The following VIL1 variants were observed in gnomAD, a reference collection of about 807,000 sequenced individuals.
VIL1 encodes the protein villin 1.
Under a neutral mutation model 104.0 loss-of-function variants are expected in VIL1, and 86 were observed. The ratio of observed to expected loss-of-function variants is 0.83; its 90% confidence interval spans 0.69 to 0.99. VIL1 has a LOEUF of 0.99. VIL1 is among the 50% of genes least tolerant of loss of function. VIL1 has a pLI of 0.00. For missense variants in VIL1, 944 were observed against 1,054.1 expected, an observed-to-expected ratio of 0.90 and a Z score of 1.45; for synonymous variants, 394 against 412.6, an observed-to-expected ratio of 0.95 and a Z score of 0.55.
At position 218,452,165 on chromosome 2, in the gene VIL1, A is replaced by AC. The variant is rs1222707119; in HGVS notation, c.*2830dup. 3 of 152,180 alleles carry AC rather than the reference A, an allele frequency of 2.0e-5. No homozygotes were observed. Among genetic ancestry groups the AC allele is most frequent in the Non-Finnish European group, 4.4e-5 (3 of 68,020 alleles). The allele number at this position is 152,180 out of a possible 1,614,324, so 9.4% of individuals were successfully genotyped here. A position where few individuals can be genotyped will look rare whatever the true frequency, so the allele number is the denominator to read the frequency against. ...CAAAGATCAAAAGGTTGTATCTAGA[A>AC]CTAATTGCCATCAAGTTCCAATTCA... On this transcript the variant is annotated 3_prime_UTR_variant, in exon 20 of 20. Coordinates refer to ENST00000248444, the MANE Select transcript of VIL1 (RefSeq NM_007127.3).
At chr2:218,432,278 CTCT>C (rs1689113691) in intron 12 of VIL1, 95 bp downstream of exon 12, 1 of 1,522,410 alleles carries the variant, frequency 6.6e-7, no homozygotes, top group Non-Finnish European at 8.8e-7. Flanking sequence ...GGTTGAATAC[CTCT>C]GGGGATGGGG....
At position 218,438,622 on chromosome 2, in the gene VIL1, G is replaced by A. The variant is rs778589173; in HGVS notation, c.2161-36G>A. ...GCTTCTCATCCATCTCCTCTGCTGA[G>A]ATCCAGGTCTAATCTGTTATTTACT... On this transcript the variant is annotated intron_variant, in intron 17 of 19. Transcript: ENST00000248444. 5 of 1,590,210 alleles carry A rather than the reference G, an allele frequency of 3.1e-6. No individual in the cohort carries two copies. The African/African-American group carries it at 6.7e-5, about 21-fold the overall frequency.
At chr2:218,432,695 C>A in intron 12 of VIL1, 98 bp from the exon 13 acceptor site, 1 of 1,492,610 alleles carries the variant, frequency 6.7e-7, no homozygotes, top group Non-Finnish European at 9.1e-7. Flanking sequence ...GGTTTAGGAC[C>A]AGTTCAGACT....
At chr2:218,429,757 G>A in intron 8 of VIL1, 82 bp downstream of exon 8, 1 of 1,597,082 alleles carries the variant, frequency 6.3e-7, no homozygotes, top group Non-Finnish European at 8.6e-7. Flanking sequence ...GGGGCTTGGG[G>A]TGGGCCTGGG....
At chr2:218,447,895 TTTG>T (rs1419874679) in intron 19 of VIL1, among the ~76,000 whole-genome samples, 3 of 152,126 alleles carry the variant, frequency 2.0e-5, no homozygotes, top group East Asian at 1.9e-4. Flanking sequence ...ACCTGCCTAA[TTTG>T]TTTTCAGTAT....
At chr2:218,420,615 T>G (rs1165551166) in intron 1 of VIL1, among the ~76,000 whole-genome samples, 3 of 146,584 alleles carry the variant, frequency 2.0e-5, no homozygotes, top group African/African-American at 7.5e-5. Context: ...AGAAGGAGTC[T>G]CACTCTTTCA....
intron 3 of VIL1, among the ~76,000 whole-genome samples, chr2:218,425,060 TTTTTA>T (rs1168152909): frequency 1.1e-4 from 16 of 151,916 alleles, no homozygotes; most frequent in Admixed American, 9.8e-4. Flanking sequence ...TCATTTTAAA[TTTTTA>T]TTTTATTTTA....
intron 4 of VIL1, among the ~76,000 whole-genome samples, chr2:218,426,295 C>T (rs148752171): frequency 1.2e-3 from 181 of 152,058 alleles, no homozygotes; most frequent in African/African-American, 4.2e-3. Context: ...TGCTTTGTTG[C>T]CCAGGCTGGA....
intron 13 of VIL1, among the ~76,000 whole-genome samples, chr2:218,433,383 C>T (rs933374896): frequency 6.0e-5 from 9 of 150,980 alleles, no homozygotes. Context: ...TGCAGTGAGC[C>T]GAGATTGTGC....
At position 218,449,292 on chromosome 2, in the gene VIL1, C is replaced by T. The variant is rs754252148; in HGVS notation, c.2440C>T (p.Arg814Ter). The T allele has an allele frequency of 5.6e-6, 9 of 1,613,824 alleles. No homozygotes were observed. Among genetic ancestry groups the T allele is most frequent in the Non-Finnish European group, 5.9e-6 (7 of 1,179,928 alleles). ...TCCAGCTGCCTTCTCTGCTCTGCCT[C>T]GATGGAAGCAACAAAACCTCAAGAA... ...MTPAAFSALP[R>*]WKQQNLKKEK... The change falls in exon 20 of 20, where the codon CGA becomes TGA. Residue 814 changes from arginine to a stop codon, truncating the protein, a stop_gained. Transcript: ENST00000248444. LOFTEE classifies it high-confidence loss of function.
intron 15 of VIL1, 116 bp from the exon 16 acceptor site, chr2:218,436,366 C>A (rs976291231): frequency 1.5e-6 from 2 of 1,341,960 alleles, no homozygotes; most frequent in African/African-American, 1.5e-5. Context: ...GAAGATAGAG[C>A]ATTTTGCTGG....
intron 19 of VIL1, among the ~76,000 whole-genome samples, chr2:218,441,652 G>A (rs1486120707): frequency 1.3e-5 from 2 of 152,066 alleles, no homozygotes; most frequent in African/African-American, 4.8e-5. Flanking sequence ...ATGTATCCTG[G>A]TGGTGAAGGG....
chr2:218,420,573 T>C (rs1688885077), intron 1 of VIL1, among the ~76,000 whole-genome samples: 1 of 116,300 alleles, frequency 8.6e-6, no homozygotes, highest in Non-Finnish European at 1.6e-5. Context: ...GCATCATGAG[T>C]ATTTGTTTTT....
intron 17 of VIL1, 92 bp from the exon 18 acceptor site, chr2:218,438,566 C>A: frequency 8.0e-7 from 1 of 1,244,090 alleles, no homozygotes. Flanking sequence ...AGGCCCCAGA[C>A]CAGCCTTCTT....
At chr2:218,435,493 C>T in intron 15 of VIL1, 59 bp downstream of exon 15, 1 of 1,581,996 alleles carries the variant, frequency 6.3e-7, no homozygotes, top group Non-Finnish European at 8.6e-7. Context: ...CCCAGCATCT[C>T]CATCCCTACA....
Position 218,429,612 on chromosome 2 carries a change from G to C in VIL1, c.786G>C (p.Glu262Asp), listed in dbSNP as rs1307205747. 1 of 1,613,986 alleles carries C rather than the reference G, an allele frequency of 6.2e-7. No homozygotes were observed. The highest frequency in any genetic ancestry group is 1.3e-5 in the African/African-American group (1 of 74,918). ...TGTCCTGCAGTGTGTCTGACTCCGAGGGGAATCTGGTGGTGAGGGAAGTCG... is the reference window on the plus strand; with the variant it reads ...TGTCCTGCAGTGTGTCTGACTCCGACGGGAATCTGGTGGTGAGGGAAGTCG... The part of the protein sequence containing the change: ...ALKLYHVSDS[E>D]GNLVVREVAT... The change falls in exon 8 of 20, where the codon GAG (glutamate) becomes GAC (aspartate). Residue 262 changes from glutamate (E) to aspartate (D), a missense_variant. Physicochemically the swap from Glu to Asp is conservative, Grantham distance 45. Transcript: ENST00000248444.
intron 1 of VIL1, among the ~76,000 whole-genome samples, chr2:218,422,026 G>A (rs2106389329): frequency 6.6e-6 from 1 of 152,258 alleles, no homozygotes; most frequent in South Asian, 2.1e-4. Flanking sequence ...GGCTGAGGCG[G>A]GTGGATCACC....
In VIL1 at chr2:218,435,269, C is replaced by G. The variant is rs763899847; in HGVS notation, c.1681-20C>G. On this transcript the variant is annotated intron_variant, in intron 14 of 19. Coordinates refer to ENST00000248444, the MANE Select transcript of VIL1 (RefSeq NM_007127.3). Reference sequence around the variant, plus strand: ...AGGTAGGGGTGGCACTAGAAATTAGCCAACTCTTTTTTTTCCTAGGGTTGT... The same window carrying G: ...AGGTAGGGGTGGCACTAGAAATTAGGCAACTCTTTTTTTTCCTAGGGTTGT... The G allele has an allele frequency of 3.1e-6, 5 of 1,610,142 alleles. No homozygotes were observed.
In VIL1 at chr2:218,425,658, G is replaced by A; in HGVS notation, c.194G>A (p.Trp65Ter). The A allele has an allele frequency of 6.2e-7, 1 of 1,614,192 alleles. No homozygotes were observed. The highest frequency in any genetic ancestry group is 8.5e-7 in the Non-Finnish European group (1 of 1,180,036). Residue 65 changes from tryptophan to a stop codon, truncating the protein, a stop_gained, in exon 4 of 20, where the codon TGG (tryptophan) becomes TAG (stop). Transcript: ENST00000248444. LOFTEE classifies it high-confidence loss of function. ...AGCCTGTCCTATGACATCCACTACT[G>A]GATTGGCCAGGACTCATCCCTGGAT... ...ASSLSYDIHY[W>*]IGQDSSLDEQ...
Sources: allele counts gnomAD v4.1 joint callset (sites outside exome capture counted in the v4.1 genomes callset), GRCh38; gene constraint gnomAD v4.1.1; transcripts MANE v1.5; gene names NCBI Gene and HGNC (gene_info 2026-07-23, HGNC 2026-07-21).